The following DYNC2H1 variants were observed in gnomAD, a reference collection of about 807,000 sequenced individuals.
DYNC2H1 encodes the protein dynein cytoplasmic 2 heavy chain 1, also known as cytoplasmic dynein 2 heavy chain 1.
Under a neutral mutation model 570.0 loss-of-function variants are expected in DYNC2H1, and 410 were observed. The observed-to-expected ratio is 0.72, with a 90% CI of 0.66 to 0.78. The LOEUF (loss-of-function observed/expected upper bound fraction) is 0.78. DYNC2H1 is among the 30% of genes least tolerant of loss of function. The pLI, the probability that DYNC2H1 is intolerant of heterozygous loss-of-function variation, is 0.00. For synonymous variants in DYNC2H1, 1,688 were observed against 1,677.6 expected, an observed-to-expected ratio of 1.01 and a Z score of -0.15; for missense variants, 4,865 against 5,046.4, an observed-to-expected ratio of 0.96 and a Z score of 1.09.
intron 84 of DYNC2H1, among the ~76,000 whole-genome samples, chr11:103,409,840 A>G (rs1943010148): frequency 6.6e-6 from 1 of 150,756 alleles, no homozygotes; most frequent in Admixed American, 6.6e-5. Flanking sequence ...AGTTATTTCT[A>G]GTTAATACAT....
chr11:103,219,746 A>G (rs772856327), intron 55 of DYNC2H1, among the ~76,000 whole-genome samples, 169 bp from the exon 56 acceptor site: 1 of 152,234 alleles, frequency 6.6e-6, no homozygotes, highest in African/African-American at 2.4e-5. Context: ...GGAGTAAAAT[A>G]TATCATTGGT....
chr11:103,156,820 T>A (rs1384385317), intron 26 of DYNC2H1, 50 bp downstream of exon 26: 2 of 1,567,520 alleles, frequency 1.3e-6, no homozygotes, highest in Admixed American at 4.3e-5. Context: ...TTTTTTAAAT[T>A]AATTCATATT....
chr11:103,174,032 T>C (rs1861689246), intron 35 of DYNC2H1, 23 bp from the exon 36 acceptor site: 1 of 1,518,082 alleles, frequency 6.6e-7, no homozygotes, highest in Non-Finnish European at 9.0e-7. Flanking sequence ...TTTGATGTGT[T>C]GATTTCCATG....
In DYNC2H1 at chr11:103,158,757, C is replaced by G. The variant is rs373353418; in HGVS notation, c.4208C>G (p.Thr1403Arg). Residue 1403 changes from threonine to arginine, a missense_variant, in exon 27 of 89, where the codon ACA becomes AGA. Physicochemically the swap from Thr to Arg is moderately conservative, Grantham distance 71. Around this residue, in one of 5 missense-constraint regions of DYNC2H1, gnomAD observed 1,936 missense variants for 1,962.1 expected, o/e 0.99. Coordinates refer to ENST00000375735, the MANE Select transcript of DYNC2H1 (RefSeq NM_001377.3). ...GCTGGAATAAGAAATTCTCTACTAACAATACTTGATCAGCTTCAAAGATGT... is the reference window on the plus strand; with the variant it reads ...GCTGGAATAAGAAATTCTCTACTAAGAATACTTGATCAGCTTCAAAGATGT... Reference protein sequence around the residue: ...THAGIRNSLLTILDQLQRCQK... With the variant: ...THAGIRNSLLRILDQLQRCQK... The G allele has an allele frequency of 6.6e-7, 1 of 1,512,176 alleles. No homozygotes were observed. The highest frequency in any genetic ancestry group is 8.9e-7 in the Non-Finnish European group (1 of 1,117,572). The allele number at this position is 1,512,176 out of a possible 1,614,324, so 93.7% of individuals were successfully genotyped here.
At chr11:103,240,850 C>T (rs7925059) in intron 63 of DYNC2H1, among the ~76,000 whole-genome samples, 5,807 of 152,158 alleles carry the variant, frequency 0.038, 369 homozygotes, top group African/African-American at 0.13. Flanking sequence ...ATTTCATTAT[C>T]CTTAGACATG....
intron 63 of DYNC2H1, among the ~76,000 whole-genome samples, chr11:103,240,065 C>A (rs1318056180): frequency 6.6e-6 from 1 of 152,064 alleles, no homozygotes; most frequent in Non-Finnish European, 1.5e-5. Context: ...CCAGTTATAG[C>A]ACATTTAAGG....
chr11:103,411,817 A>G (rs1202438504), intron 84 of DYNC2H1, among the ~76,000 whole-genome samples: 1 of 152,128 alleles, frequency 6.6e-6, no homozygotes, highest in African/African-American at 2.4e-5. Flanking sequence ...GATAATTTCA[A>G]TATATAAAGT....
chr11:103,154,847 G>C (rs2134887073), intron 24 of DYNC2H1, 38 bp downstream of exon 24: 1 of 1,447,138 alleles, frequency 6.9e-7, no homozygotes, highest in Admixed American at 2.4e-5. Context: ...TAAAAACAAT[G>C]TTTGGAGCTT....
chr11:103,376,595 C>T (rs1941403591), intron 83 of DYNC2H1, among the ~76,000 whole-genome samples: 1 of 151,234 alleles, frequency 6.6e-6, no homozygotes, highest in Non-Finnish European at 1.5e-5. Flanking sequence ...TTTCTCTCTC[C>T]CATTTATATT....
At chr11:103,361,061 A>G (rs952637483) in intron 83 of DYNC2H1, among the ~76,000 whole-genome samples, 2 of 152,170 alleles carry the variant, frequency 1.3e-5, no homozygotes, top group Non-Finnish European at 2.9e-5. Flanking sequence ...ATAAAACTGA[A>G]AGGATGTCAG....
rs1323914133 is a variant in DYNC2H1, at chr11:103,324,341, T to G, written c.12039+351T>G. Among the ~76,000 whole-genome samples the G allele has an allele frequency of 6.6e-6, 1 of 152,090 alleles. No homozygotes were observed. The highest frequency in any genetic ancestry group is 1.5e-5 in the Non-Finnish European group (1 of 67,992). On this transcript the variant is annotated intron_variant, in intron 82 of 88. Transcript: ENST00000375735. This position sits in a 1 kb window ranked among gnomAD's most constrained non-coding sequence, Gnocchi z 5.2. ...TCTCCTCTCACCCTCCACCCTCAAG[T>G]AGGCCCTGGTGTCTGTTGTTCCCTT...
chr11:103,198,039 T>G lies in DYNC2H1; in HGVS notation c.7815T>G (p.Thr2605=), dbSNP rs1475915867. The G allele has an allele frequency of 1.3e-6, 2 of 1,552,564 alleles. No homozygotes were observed. The highest frequency in any genetic ancestry group is 1.2e-5 in the South Asian group (1 of 84,092). The change falls in exon 48 of 89, where the codon ACT becomes ACG. Residue 2605 remains threonine (T), a synonymous_variant. Coordinates refer to ENST00000375735, the MANE Select transcript of DYNC2H1 (RefSeq NM_001377.3). ...AACCACTTGGAAAACTAAACTCTAC[T>G]GATCTCAAGGATGTTATTAAAAAGG... The part of the protein sequence containing the change: ...HGKPLGKLNS[T]DLKDVIKKGL...
In DYNC2H1 at chr11:103,231,292, A is replaced by G. The variant is rs1863998596; in HGVS notation, c.9386A>G (p.Lys3129Arg). 1 of 1,606,988 alleles carries G rather than the reference A, an allele frequency of 6.2e-7. No homozygotes were observed. The highest frequency in any genetic ancestry group is 1.3e-5 in the African/African-American group (1 of 74,740). The change falls in exon 60 of 89, where the codon AAA (lysine) becomes AGA (arginine). Residue 3129 changes from lysine (K) to arginine (R), a missense_variant. Lys to Arg is a conservative substitution (Grantham distance 26, BLOSUM62 2). Transcript: ENST00000375735. ...AAGAAAACTGAAGACAGAAAAAGGA[A>G]ACTAGAGGAGCTTCTTAATTCTGTT... ...NLKKTEDRKR[K>R]LEELLNSVGQ...
At chr11:103,287,103 C>T (rs774655579) in intron 74 of DYNC2H1, among the ~76,000 whole-genome samples, 12 of 152,096 alleles carry the variant, frequency 7.9e-5, no homozygotes, top group Non-Finnish European at 1.3e-4. Flanking sequence ...GATTGCACCA[C>T]TGCACTCCAG....
chr11:103,186,583 C>A lies in DYNC2H1; in HGVS notation c.6893+82C>A, dbSNP rs181116799. ...TGATTTAATGGCTTTTGTTATGTTT[C>A]TTTTGGTTAAAGTAGCATTTACATT... On this transcript the variant is annotated intron_variant, in intron 42 of 88. Transcript: ENST00000375735. The surrounding 1 kb of genome is among the most constrained non-coding windows in gnomAD (Gnocchi z 4.5). The A allele has an allele frequency of 4.2e-3, 6,304 of 1,495,102 alleles. 35 individuals are homozygous for A. The highest frequency in any genetic ancestry group is 4.5e-3 in the Non-Finnish European group (5,113 of 1,124,970). The allele number at this position is 1,495,102 out of a possible 1,614,324, so 92.6% of individuals were successfully genotyped here.
At chr11:103,213,069 A>G (rs940239580) in intron 54 of DYNC2H1, among the ~76,000 whole-genome samples, 5 of 152,132 alleles carry the variant, frequency 3.3e-5, no homozygotes, top group African/African-American at 1.2e-4. Context: ...GAAGGTAAAG[A>G]ATTTTTTTCA....
Position 103,209,255 on chromosome 11 carries a change from C to T in DYNC2H1, c.8455-621C>T, listed in dbSNP as rs748016531. Among the ~76,000 whole-genome samples, 41 of 151,880 alleles carry T rather than the reference C, an allele frequency of 2.7e-4. No individual in the cohort carries two copies. Among genetic ancestry groups the T allele is most frequent in the Admixed American group, 8.5e-4 (13 of 15,238 alleles). The stretch of plus-strand genomic sequence containing the variant: ...TTAATTTAAAATTTCAAAATTGTTA[C>T]TTTAATTTTTTTTCAGGACACTAAA... On this transcript the variant is annotated intron_variant, in intron 52 of 88. Coordinates refer to ENST00000375735, the MANE Select transcript of DYNC2H1 (RefSeq NM_001377.3). This position sits in a 1 kb window ranked among gnomAD's most constrained non-coding sequence, Gnocchi z 4.2.
At chr11:103,411,625 AAAGGGCT>A (rs1457590532) in intron 84 of DYNC2H1, among the ~76,000 whole-genome samples, 1 of 152,116 alleles carries the variant, frequency 6.6e-6, no homozygotes, top group African/African-American at 2.4e-5. Context: ...TAAAGAACAA[AAAGGGCT>A]TAATTATATG....
chr11:103,384,947 G>T (rs944690506), intron 83 of DYNC2H1, among the ~76,000 whole-genome samples: 12 of 151,918 alleles, frequency 7.9e-5, no homozygotes, highest in African/African-American at 2.9e-4. Flanking sequence ...TGTCTTAAAG[G>T]GTATGTTATT....
Sources: gnomAD v4.1 joint callset for allele counts (sites outside exome capture counted in the v4.1 genomes callset) on GRCh38, gnomAD v4.1.1 for gene constraint, gnomAD v4.1.1 regional missense constraint, Gnocchi (gnomAD v3.1) non-coding constraint, MANE v1.5 for transcripts, NCBI Gene and HGNC (gene_info 2026-07-23, HGNC 2026-07-21) for gene names.